The following ERC1 variants were observed in gnomAD, a reference collection of about 807,000 sequenced individuals.
The protein encoded by ERC1 is ELKS/RAB6-interacting/CAST family member 1.
In ERC1, 56 loss-of-function variants were observed where a neutral mutation model predicts 132.0. That is an observed-to-expected ratio of 0.42 (90% CI 0.34 to 0.53). The LOEUF is 0.53. Among genes scored for constraint, ERC1 ranks in the 20% least tolerant of loss-of-function variants. ERC1 has a pLI of 0.03. For missense variants in ERC1, 1,202 were observed against 1,349.9 expected, an observed-to-expected ratio of 0.89 and a Z score of 1.72; for synonymous variants, 478 against 476.1, an observed-to-expected ratio of 1.00 and a Z score of -0.05.
At chr12:1,239,418 C>T (rs906624084) in intron 13 of ERC1, among the ~76,000 whole-genome samples, 1 of 152,096 alleles carries the variant, frequency 6.6e-6, no homozygotes, top group Non-Finnish European at 1.5e-5. Flanking sequence ...ACTGCGTTGT[C>T]ATTTACAACA....
At chr12:1,001,139 T>A (rs1010788738) in intron 1 of ERC1, among the ~76,000 whole-genome samples, 5 of 152,190 alleles carry the variant, frequency 3.3e-5, no homozygotes, top group African/African-American at 9.7e-5. Context: ...TGACCTCAGG[T>A]GATCTGCTCA....
At chr12:1,354,091 C>T (rs990612849) in intron 15 of ERC1, among the ~76,000 whole-genome samples, 1 of 151,744 alleles carries the variant, frequency 6.6e-6, no homozygotes, top group South Asian at 2.1e-4. Context: ...TTGGTGGTCT[C>T]ATGTACTCCT....
At position 1,165,496 on chromosome 12, in the gene ERC1, C is replaced by T. The variant is rs113664619; in HGVS notation, c.1738-15044C>T. Among the ~76,000 whole-genome samples, 13 of 151,908 alleles carry T rather than the reference C, an allele frequency of 8.6e-5. 1 individual carries two copies. The highest frequency in any genetic ancestry group is 2.7e-4 in the African/African-American group (11 of 41,342). ...AATTTTTTTGTATTTTTAGTAGAGA[C>T]GGGGTTTCACCGTGTTAGCCAAGAT... is the stretch of plus-strand genomic sequence containing the variant. On this transcript the variant is annotated intron_variant, in intron 8 of 18. Coordinates refer to ENST00000360905, the MANE Select transcript of ERC1 (RefSeq NM_178040.4).
intron 15 of ERC1, among the ~76,000 whole-genome samples, chr12:1,339,244 ACAGGGTGCTAGCAGGTGC>A (rs1485221535): frequency 6.2e-5 from 9 of 144,176 alleles, no homozygotes; most frequent in African/African-American, 2.3e-4. Context: ...GACGACTGTG[ACAGGGTGCTAGCAGGTGC>A]CAGGGTGCCT....
At chr12:1,142,601 T>C (rs564160291) in intron 8 of ERC1, among the ~76,000 whole-genome samples, 6 of 152,336 alleles carry the variant, frequency 3.9e-5, no homozygotes, top group African/African-American at 1.2e-4. Flanking sequence ...CTACTATCCG[T>C]GATGAAAGTG....
At chr12:1,467,660 T>C (rs2093771412) in intron 18 of ERC1, among the ~76,000 whole-genome samples, 1 of 152,212 alleles carries the variant, frequency 6.6e-6, no homozygotes, top group Admixed American at 6.5e-5. Context: ...ACATTTATTG[T>C]GCACTTTATT....
At chr12:1,219,491 G>A (rs189913792) in intron 12 of ERC1, among the ~76,000 whole-genome samples, 4 of 152,182 alleles carry the variant, frequency 2.6e-5, no homozygotes, top group African/African-American at 9.6e-5. Flanking sequence ...CCTCAAAAAT[G>A]TATCTTTAAT....
intron 12 of ERC1, among the ~76,000 whole-genome samples, chr12:1,223,921 C>A (rs919263205): frequency 1.3e-5 from 2 of 152,034 alleles, no homozygotes; most frequent in Non-Finnish European, 2.9e-5. Context: ...TGGCACCTCA[C>A]GATAGGAATT....
rs1268891975 is a variant in ERC1, at chr12:1,027,860, G to C, written c.-44G>C. ...TCACAAGGTTCCCATTTTTGTTGTT[G>C]TTGTTGTTGATTTTCTGCTCACACC... On this transcript the variant is annotated 5_prime_UTR_variant, in exon 2 of 19. Transcript: ENST00000360905. The C allele has an allele frequency of 2.6e-6, 4 of 1,520,384 alleles. No individual in the cohort carries two copies. The Admixed American group carries it at 6.1e-5, about 23-fold the overall frequency. 94.2% of individuals were successfully genotyped at this position (1,520,384 alleles called of 1,614,324 possible). A position where few individuals can be genotyped will look rare whatever the true frequency, so the allele number is the denominator to read the frequency against.
intron 2 of ERC1, among the ~76,000 whole-genome samples, chr12:1,078,849 A>G (rs1263189142): frequency 1.3e-5 from 2 of 152,006 alleles, no homozygotes; most frequent in East Asian, 1.9e-4. Flanking sequence ...ACATATAGAA[A>G]TGATTTGTAA....
At chr12:1,461,389 C>T (rs1202619709) in intron 18 of ERC1, among the ~76,000 whole-genome samples, 6 of 152,242 alleles carry the variant, frequency 3.9e-5, no homozygotes, top group Admixed American at 2.0e-4. Context: ...AACTTTGAGC[C>T]GGGCACAGTG....
At position 1,110,242 on chromosome 12, in the gene ERC1, A is replaced by G. The variant is rs144486153; in HGVS notation, c.1212A>G (p.Glu404=). Residue 404 remains glutamate, a synonymous_variant, in exon 5 of 19, where the codon GAA becomes GAG. Coordinates refer to ENST00000360905, the MANE Select transcript of ERC1 (RefSeq NM_178040.4). The part of the protein sequence containing the change: ...MERGLRDLEE[E]IQMLKSNGAL... ...GTGGGCTTCGAGACCTGGAAGAGGA[A>G]ATTCAGATGCTGAAATCGAATGGTG... 3 of 1,613,644 alleles carry G rather than the reference A, an allele frequency of 1.9e-6. No homozygotes were observed. Among genetic ancestry groups the G allele is most frequent in the Non-Finnish European group, 2.5e-6 (3 of 1,179,818 alleles).
chr12:1,320,794 C>T (rs1454002068), intron 15 of ERC1, among the ~76,000 whole-genome samples: 7 of 152,122 alleles, frequency 4.6e-5, no homozygotes, highest in Non-Finnish European at 7.4e-5. Context: ...CTCTGCCTCC[C>T]GGGTTCACGT....
chr12:1,440,007 G>A (rs1055920929), intron 17 of ERC1, among the ~76,000 whole-genome samples: 1 of 151,998 alleles, frequency 6.6e-6, no homozygotes, highest in Non-Finnish European at 1.5e-5. Context: ...ATACTAGTTG[G>A]GCAGTTTCAT....
chr12:1,003,565 A>G (rs912159397), intron 1 of ERC1, among the ~76,000 whole-genome samples: 1 of 151,862 alleles, frequency 6.6e-6, no homozygotes, highest in Non-Finnish European at 1.5e-5. Flanking sequence ...TCTTTTCTTC[A>G]CTGGCTGGGA....
At chr12:1,235,280 G>T (rs899080686) in intron 12 of ERC1, among the ~76,000 whole-genome samples, 1 of 152,188 alleles carries the variant, frequency 6.6e-6, no homozygotes, top group East Asian at 1.9e-4. Flanking sequence ...AATCACCTGA[G>T]CCTGGGGGGT....
At chr12:1,106,857 C>T (rs143442172) in intron 4 of ERC1, among the ~76,000 whole-genome samples, 1 of 152,204 alleles carries the variant, frequency 6.6e-6, no homozygotes, top group East Asian at 1.9e-4. Context: ...GTTGTGTGAA[C>T]CTTCAGCCAT....
chr12:1,198,586 A>C (rs573341282), intron 12 of ERC1, among the ~76,000 whole-genome samples: 2 of 152,092 alleles, frequency 1.3e-5, no homozygotes, highest in Non-Finnish European at 2.9e-5. Context: ...TCCATACCTC[A>C]TTGTATTAGT....
intron 2 of ERC1, among the ~76,000 whole-genome samples, chr12:1,050,801 C>T (rs1196551893): frequency 2.0e-5 from 3 of 152,088 alleles, no homozygotes; most frequent in Non-Finnish European, 2.9e-5. Context: ...GTGAAGGAAT[C>T]GAGACCATCC....
Sources: allele counts gnomAD v4.1 joint callset (sites outside exome capture counted in the v4.1 genomes callset), GRCh38; gene constraint gnomAD v4.1.1; transcripts MANE v1.5; gene names NCBI Gene and HGNC (gene_info 2026-07-23, HGNC 2026-07-21).